MDFIC: variants seen among roughly 807,000 people sequenced by gnomAD.
The protein encoded by MDFIC is MyoD family inhibitor domain containing, also known as myoD family inhibitor domain-containing protein.
Under a neutral mutation model 23.2 loss-of-function variants are expected in MDFIC, and 17 were observed. That is an observed-to-expected ratio of 0.73 (90% CI 0.50 to 1.10). The LOEUF is 1.10. Ranked by LOEUF, MDFIC falls within the 50% of genes least tolerant of loss-of-function variation. MDFIC has a pLI of 0.00. For synonymous variants in MDFIC, 120 were observed against 115.2 expected (o/e 1.04, Z -0.27); for missense variants, 356 against 316.6 (o/e 1.12, Z -0.95).
chr7:114,982,504 A>G (rs2594448), intron 4 of MDFIC, among the ~76,000 whole-genome samples: 73,577 of 151,386 alleles, frequency 0.49, 18,939 homozygotes, highest in South Asian at 0.69. Flanking sequence ...AGCCTGGGCT[A>G]CATAGCAAGA....
At chr7:115,011,769 A>G (rs1791686296) in intron 4 of MDFIC, among the ~76,000 whole-genome samples, 1 of 152,220 alleles carries the variant, frequency 6.6e-6, no homozygotes, top group Non-Finnish European at 1.5e-5. Flanking sequence ...GGAGGCAACT[A>G]GTGGTTTAGT....
At chr7:114,933,110 T>G (rs1454258712) in intron 2 of MDFIC, among the ~76,000 whole-genome samples, 1 of 152,218 alleles carries the variant, frequency 6.6e-6, no homozygotes, top group Non-Finnish European at 1.5e-5. Context: ...ACTAAAAATG[T>G]TCTTCATAAA....
At chr7:114,965,882 G>T (rs1162352922) in intron 3 of MDFIC, among the ~76,000 whole-genome samples, 5 of 151,714 alleles carry the variant, frequency 3.3e-5, no homozygotes, top group African/African-American at 9.7e-5. Context: ...TCTTAGTTTT[G>T]CTTCTGTTTT....
chr7:114,922,739 C>T (rs895307687), intron 1 of MDFIC, 103 bp downstream of exon 1: 44 of 1,340,176 alleles, frequency 3.3e-5, no homozygotes, highest in Non-Finnish European at 3.5e-5. Flanking sequence ...GCTGGGTCCA[C>T]CTCGGACCCC....
At chr7:114,995,253 C>CT (rs1791297801) in intron 4 of MDFIC, among the ~76,000 whole-genome samples, 1 of 152,116 alleles carries the variant, frequency 6.6e-6, no homozygotes, top group Non-Finnish European at 1.5e-5. Flanking sequence ...TTTGTCTAAT[C>CT]TTTTTTCAAG....
chr7:114,979,630 A>G lies in MDFIC; in HGVS notation c.342A>G (p.Lys114=). The G allele has an allele frequency of 6.2e-7, 1 of 1,614,092 alleles. No individual in the cohort carries two copies. Among genetic ancestry groups the G allele is most frequent in the Non-Finnish European group, 8.5e-7 (1 of 1,180,006 alleles). The stretch of plus-strand genomic sequence containing the variant: ...GAAATGGAATTCACCACGGGGCCAA[A>G]CACGGATCCGCAGATAATCGCAAAC... ...SNGNGIHHGA[K]HGSADNRKLS... is the part of the protein sequence containing the mutation. The change falls in exon 4 of 5, where the codon AAA becomes AAG. Residue 114 remains lysine (K), a synonymous_variant. Coordinates refer to ENST00000393486, the MANE Select transcript of MDFIC (RefSeq NM_001166345.3).
At chr7:115,014,984 G>A (rs1050888816) in intron 4 of MDFIC, among the ~76,000 whole-genome samples, 2 of 152,144 alleles carry the variant, frequency 1.3e-5, no homozygotes, top group African/African-American at 4.8e-5. Context: ...AAGGAAGTGG[G>A]AAAGCAATGT....
At chr7:114,945,769 A>G (rs1792631768) in intron 3 of MDFIC, among the ~76,000 whole-genome samples, 2 of 152,222 alleles carry the variant, frequency 1.3e-5, no homozygotes, top group African/African-American at 4.8e-5. Context: ...TTAGTAAAGA[A>G]TTAAAAACAA....
At chr7:115,007,867 T>TC (rs1476611577) in intron 4 of MDFIC, among the ~76,000 whole-genome samples, 2 of 147,456 alleles carry the variant, frequency 1.4e-5, no homozygotes, top group Admixed American at 6.8e-5. Context: ...AGCTAATTTT[T>TC]TTTTTTTTTT....
intron 4 of MDFIC, among the ~76,000 whole-genome samples, chr7:114,988,630 T>G (rs1200509863): frequency 1.3e-5 from 2 of 152,228 alleles, no homozygotes; most frequent in African/African-American, 4.8e-5. Flanking sequence ...AACATTTTAG[T>G]TCAATTAATT....
chr7:114,931,079 C>T (rs867755210), intron 2 of MDFIC, among the ~76,000 whole-genome samples: 132 of 152,058 alleles, frequency 8.7e-4, no homozygotes, highest in African/African-American at 3.0e-3. Context: ...CTCCCTCTCT[C>T]TCTCTCTTTG....
In MDFIC at chr7:114,923,113, G is replaced by T; in HGVS notation, c.80G>T (p.Gly27Val). The T allele has an allele frequency of 6.8e-7, 1 of 1,478,488 alleles. No homozygotes were observed. The highest frequency in any genetic ancestry group is 8.9e-7 in the Non-Finnish European group (1 of 1,118,482). The allele number at this position is 1,478,488 out of a possible 1,614,324, so 91.6% of individuals were successfully genotyped here. Residue 27 changes from glycine to valine, a missense_variant, in exon 2 of 5, where the codon GGC becomes GTC. Gly to Val is a moderately radical substitution (Grantham distance 109). Coordinates refer to ENST00000393486, the MANE Select transcript of MDFIC (RefSeq NM_001166345.3). ...GCCGAGGCGGGCGGCGGCCAGCTGG[G>T]CTCCACAGCCCAGGGTGAGTGCGCG... ...RVAEAGGGQL[G>V]STAQGKCDKD... is the part of the protein sequence containing the mutation.
chr7:114,952,835 T>G (rs1792804138), intron 3 of MDFIC, among the ~76,000 whole-genome samples: 1 of 152,198 alleles, frequency 6.6e-6, no homozygotes, highest in Admixed American at 6.5e-5. Flanking sequence ...TATTAATATA[T>G]CATTTATGTG....
intron 3 of MDFIC, among the ~76,000 whole-genome samples, chr7:114,957,440 G>A (rs1585102388): frequency 6.6e-6 from 1 of 152,204 alleles, no homozygotes; most frequent in South Asian, 2.1e-4. Context: ...TATAGCTAGA[G>A]TTTGTTCTTG....
chr7:114,999,240 T>C (rs978301411), intron 4 of MDFIC, among the ~76,000 whole-genome samples: 1 of 152,218 alleles, frequency 6.6e-6, no homozygotes, highest in Non-Finnish European at 1.5e-5. Context: ...CAGATACTTT[T>C]ATTCTTAGCT....
At chr7:114,965,246 T>C (rs1793074115) in intron 3 of MDFIC, among the ~76,000 whole-genome samples, 1 of 152,100 alleles carries the variant, frequency 6.6e-6, no homozygotes, top group African/African-American at 2.4e-5. Context: ...AGCTAGAGTG[T>C]GGGAAAATAA....
intron 3 of MDFIC, among the ~76,000 whole-genome samples, chr7:114,959,058 T>C (rs1792937672): frequency 6.6e-6 from 1 of 152,222 alleles, no homozygotes; most frequent in Admixed American, 6.5e-5. Context: ...ACATACTTAA[T>C]GTGCCAAAAG....
chr7:115,009,204 GAGATA>G (rs994970668), intron 4 of MDFIC, among the ~76,000 whole-genome samples: 63 of 152,268 alleles, frequency 4.1e-4, no homozygotes, highest in African/African-American at 1.5e-3. Context: ...AACTTTATTA[GAGATA>G]AGATAAGACC....
chr7:114,958,245 A>T (rs1225721395), intron 3 of MDFIC, among the ~76,000 whole-genome samples: 1 of 152,222 alleles, frequency 6.6e-6, no homozygotes, highest in Non-Finnish European at 1.5e-5. Flanking sequence ...GAGTTCCTTC[A>T]ATGGCTTTAG....
Sources: gnomAD v4.1 joint callset for allele counts (sites outside exome capture counted in the v4.1 genomes callset) on GRCh38, gnomAD v4.1.1 for gene constraint, MANE v1.5 for transcripts, NCBI Gene and HGNC (gene_info 2026-07-23, HGNC 2026-07-21) for gene names.